Variants in GABRB3 observed in about 807,000 individuals in gnomAD.
The protein encoded by GABRB3 is gamma-aminobutyric acid receptor subunit beta-3.
In GABRB3, 14 loss-of-function variants were observed where a neutral mutation model predicts 52.1. The ratio of observed to expected loss-of-function variants is 0.27; its 90% confidence interval spans 0.18 to 0.42. The LOEUF (loss-of-function observed/expected upper bound fraction) is 0.42. Ranked by LOEUF, GABRB3 falls within the 10% of genes least tolerant of loss-of-function variation. The pLI is 1.00. For missense variants in GABRB3, 307 were observed against 609.1 expected, an observed-to-expected ratio of 0.50 and a Z score of 5.22; for synonymous variants, 260 against 232.3, an observed-to-expected ratio of 1.12 and a Z score of -1.08.
At chr15:26,642,655 G>A (rs1893233917) in intron 3 of GABRB3, 3 of 447,104 alleles carry the variant, frequency 6.7e-6, no homozygotes, top group Non-Finnish European at 1.3e-5. Context: ...ATATGTAAGT[G>A]TACCCCCCCG....
At chr15:26,721,785 C>CA (rs1467940295) in intron 3 of GABRB3, among the ~76,000 whole-genome samples, 1 of 151,906 alleles carries the variant, frequency 6.6e-6, no homozygotes, top group Non-Finnish European at 1.5e-5. Context: ...TCTGATGAGA[C>CA]ACGGCTGCCT....
At chr15:26,659,799 C>T (rs1049825866) in intron 3 of GABRB3, among the ~76,000 whole-genome samples, 1 of 152,184 alleles carries the variant, frequency 6.6e-6, no homozygotes, top group Non-Finnish European at 1.5e-5. Flanking sequence ...CCGGCCTGCA[C>T]TGGGCCACCC....
intron 8 of GABRB3, among the ~76,000 whole-genome samples, chr15:26,552,224 C>T (rs1889499337): frequency 6.6e-6 from 1 of 152,108 alleles, no homozygotes; most frequent in Admixed American, 6.5e-5. Context: ...TCAGGCTGGT[C>T]TCAAACTCCC....
intron 3 of GABRB3, chr15:26,629,278 G>A: frequency 9.8e-7 from 1 of 1,019,616 alleles, no homozygotes; most frequent in South Asian, 1.7e-5. Context: ...CGTGGTCTGT[G>A]GCTCGAGGGG....
At chr15:26,772,578 C>T in intron 2 of GABRB3, 103 bp downstream of exon 2, 1 of 1,436,828 alleles carries the variant, frequency 7.0e-7, no homozygotes, top group African/African-American at 1.5e-5. Flanking sequence ...GGCCCCCACT[C>T]CCACCCGCCG....
At chr15:26,688,582 C>T (rs1325901501) in intron 3 of GABRB3, among the ~76,000 whole-genome samples, 1 of 152,112 alleles carries the variant, frequency 6.6e-6, no homozygotes, top group Non-Finnish European at 1.5e-5. Context: ...GGTGTGTCAC[C>T]GATGCTATTT....
chr15:26,544,999 G>C lies in GABRB3; in HGVS notation c.*2794C>G, dbSNP rs956036509. 1 of 152,484 alleles carries C rather than the reference G, an allele frequency of 6.6e-6. No homozygotes were observed. The highest frequency in any genetic ancestry group is 1.5e-5 in the Non-Finnish European group (1 of 68,038). The allele number at this position is 152,484 out of a possible 1,614,324, so 9.4% of individuals were successfully genotyped here. ...CGAGAGGTCATTTTAACACAACAGA[G>C]ACTCCAATTCAACTCTCTTCTGTTA... On this transcript the variant is annotated 3_prime_UTR_variant, in exon 9 of 9. Transcript: ENST00000311550.
intron 8 of GABRB3, among the ~76,000 whole-genome samples, chr15:26,554,372 T>C (rs573862488): frequency 3.1e-4 from 47 of 150,794 alleles, no homozygotes; most frequent in African/African-American, 1.1e-3. Context: ...TGATAACATA[T>C]AAAAAGCTCC....
intron 4 of GABRB3, among the ~76,000 whole-genome samples, chr15:26,604,286 G>T (rs529305992): frequency 6.6e-6 from 1 of 152,030 alleles, no homozygotes; most frequent in African/African-American, 2.4e-5. Context: ...ACAATGAAAA[G>T]GTATTCCATG....
chr15:26,626,952 A>G (rs2140550403), intron 3 of GABRB3, among the ~76,000 whole-genome samples: 1 of 152,316 alleles, frequency 6.6e-6, no homozygotes, highest in African/African-American at 2.4e-5. Flanking sequence ...GCCATGTCGG[A>G]CTTTCATAGC....
rs57833685 is a variant in GABRB3 at position 26,649,658 on chromosome 15, CTGTG to C, written c.241-28128_241-28125del. Among the ~76,000 whole-genome samples, 171 of 130,180 alleles carry C rather than the reference CTGTG, an allele frequency of 1.3e-3. 1 individual carries two copies. The highest frequency in any genetic ancestry group is 2.3e-3 in the African/African-American group (77 of 33,018). 85.4% of individuals were successfully genotyped at this position (130,180 alleles called of 152,430 possible). On this transcript the variant is annotated intron_variant, in intron 3 of 8. Transcript: ENST00000311550. ...AGAAGAAAGCAGGACAGAGCCAAGG[CTGTG>C]TGTGTGTGTGTGTGTGTGTGTGTGT...
At chr15:26,707,079 A>AT (rs1034990663) in intron 3 of GABRB3, among the ~76,000 whole-genome samples, 2 of 152,224 alleles carry the variant, frequency 1.3e-5, no homozygotes, top group African/African-American at 4.8e-5. Flanking sequence ...GAAATACATG[A>AT]TTGCAAACAC....
chr15:26,699,767 A>G (rs1233867260), intron 3 of GABRB3, among the ~76,000 whole-genome samples: 2 of 152,064 alleles, frequency 1.3e-5, no homozygotes, highest in African/African-American at 4.8e-5. Flanking sequence ...GAGAGCAAAC[A>G]AAAGAAAAAA....
chr15:26,550,006 C>G (rs1342995854), intron 8 of GABRB3: 1 of 152,170 alleles, frequency 6.6e-6, no homozygotes. Flanking sequence ...ACCATACTCA[C>G]CAGATTCTGT....
chr15:26,641,292 C>T (rs1038574923), intron 3 of GABRB3, among the ~76,000 whole-genome samples: 2 of 152,230 alleles, frequency 1.3e-5, no homozygotes, highest in Non-Finnish European at 2.9e-5. Context: ...TCGCTGCATG[C>T]TACGACTTCC....
intron 3 of GABRB3, among the ~76,000 whole-genome samples, chr15:26,660,474 G>T (rs368858891): frequency 5.8e-4 from 89 of 152,278 alleles, no homozygotes; most frequent in African/African-American, 2.1e-3. Context: ...ATACATCAGA[G>T]TTAATAGTTG....
chr15:26,667,822 C>A (rs919239281), intron 3 of GABRB3, among the ~76,000 whole-genome samples: 4 of 152,134 alleles, frequency 2.6e-5, no homozygotes, highest in East Asian at 3.9e-4. Flanking sequence ...AATCCCTCCA[C>A]GTGACTCAGA....
At chr15:26,558,984 T>C (rs61996546) in intron 8 of GABRB3, among the ~76,000 whole-genome samples, 64,418 of 152,120 alleles carry the variant, frequency 0.42, 14,183 homozygotes, top group Non-Finnish European at 0.49. Context: ...AGGAAACTTA[T>C]AATCATGGCA....
At chr15:26,753,198 C>A (rs6576605) in intron 3 of GABRB3, among the ~76,000 whole-genome samples, 12 of 151,880 alleles carry the variant, frequency 7.9e-5, no homozygotes, top group Non-Finnish European at 1.6e-4. Flanking sequence ...TCTTAGTGTC[C>A]CGTCACCGCA....
Sources: allele counts gnomAD v4.1 joint callset (sites outside exome capture counted in the v4.1 genomes callset), GRCh38; gene constraint gnomAD v4.1.1; transcripts MANE v1.5; gene names NCBI Gene and HGNC (gene_info 2026-07-23, HGNC 2026-07-21).